RALYL: variants seen among roughly 807,000 people sequenced by gnomAD.
RALYL encodes RNA-binding Raly-like protein.
RALYL carries 29 observed loss-of-function variants against 35.1 expected under a neutral mutation model. The ratio of observed to expected loss-of-function variants is 0.83; its 90% confidence interval spans 0.61 to 1.13. RALYL has a LOEUF of 1.13. RALYL is among the 50% of genes most tolerant of loss of function. The pLI, the probability that RALYL is intolerant of heterozygous loss-of-function variation, is 0.00. For synonymous variants in RALYL, 120 were observed against 127.6 expected, an observed-to-expected ratio of 0.94 and a Z score of 0.40; for missense variants, 359 against 360.4, an observed-to-expected ratio of 1.00 and a Z score of 0.03.
At chr8:84,230,412 A>C (rs1290870333) in intron 1 of RALYL, among the ~76,000 whole-genome samples, 2 of 152,152 alleles carry the variant, frequency 1.3e-5, no homozygotes, top group Non-Finnish European at 2.9e-5. Context: ...AAAAATAAAC[A>C]AAATAACATG....
chr8:84,429,833 A>G (rs895202809), intron 1 of RALYL, among the ~76,000 whole-genome samples: 2 of 152,104 alleles, frequency 1.3e-5, no homozygotes, highest in African/African-American at 4.8e-5. Flanking sequence ...AAGGATGTCC[A>G]CTATCTGCTT....
chr8:84,374,244 A>G (rs986754732), intron 1 of RALYL, among the ~76,000 whole-genome samples: 1 of 151,844 alleles, frequency 6.6e-6, no homozygotes, highest in Non-Finnish European at 1.5e-5. Flanking sequence ...CAATACTATC[A>G]TGAATAGGAG....
intron 2 of RALYL, among the ~76,000 whole-genome samples, chr8:84,698,786 G>A (rs920905456): frequency 6.6e-6 from 1 of 152,058 alleles, no homozygotes; most frequent in Non-Finnish European, 1.5e-5. Flanking sequence ...TGTACAATAG[G>A]ATACTTGCTA....
At chr8:84,772,324 C>CTATGTTTGGCCTTTG in intron 2 of RALYL, among the ~76,000 whole-genome samples, 1 of 152,116 alleles carries the variant, frequency 6.6e-6, no homozygotes, top group South Asian at 2.1e-4. Context: ...TGTATCATGG[C>CTATGTTTGGCCTTTG]TATGTTTGGC....
intron 1 of RALYL, among the ~76,000 whole-genome samples, chr8:84,430,994 C>T (rs2047080972): frequency 6.6e-6 from 1 of 152,106 alleles, no homozygotes; most frequent in African/African-American, 2.4e-5. Context: ...CTTAACATTC[C>T]TGAGTAAGAA....
chr8:84,381,637 C>G (rs558041640), intron 1 of RALYL, among the ~76,000 whole-genome samples: 5 of 151,940 alleles, frequency 3.3e-5, no homozygotes, highest in African/African-American at 1.2e-4. Flanking sequence ...GAAATGATAA[C>G]AAATGTTTGG....
At chr8:84,774,464 G>A in intron 2 of RALYL, 115 bp from the exon 3 acceptor site, 1 of 684,222 alleles carries the variant, frequency 1.5e-6, no homozygotes, top group Middle Eastern at 2.5e-4. Flanking sequence ...ATGAATCAAT[G>A]GTGTACAATA....
chr8:84,728,621 G>A (rs1201742225), intron 2 of RALYL, among the ~76,000 whole-genome samples: 1 of 152,172 alleles, frequency 6.6e-6, no homozygotes, highest in Non-Finnish European at 1.5e-5. Context: ...TGAGGTTTAA[G>A]TCTTTAATCC....
At chr8:84,802,791 A>AAGCTT (rs199732545) in intron 3 of RALYL, among the ~76,000 whole-genome samples, 152 of 152,306 alleles carry the variant, frequency 1.0e-3, no homozygotes, top group African/African-American at 3.4e-3. Context: ...GCATTGATGG[A>AAGCTT]AGCTTAGTGT....
At chr8:84,474,646 G>A (rs2053181302) in intron 1 of RALYL, among the ~76,000 whole-genome samples, 2 of 151,934 alleles carry the variant, frequency 1.3e-5, no homozygotes, top group Non-Finnish European at 2.9e-5. Context: ...TTTTATCTTG[G>A]TGGGATTCTG....
intron 2 of RALYL, among the ~76,000 whole-genome samples, chr8:84,725,034 A>G (rs1299930763): frequency 1.3e-5 from 2 of 151,628 alleles, no homozygotes; most frequent in African/African-American, 2.4e-5. Context: ...TCTGAATCTT[A>G]TGGCAGGTAA....
At chr8:84,448,276 T>C (rs2049066661) in intron 1 of RALYL, among the ~76,000 whole-genome samples, 1 of 151,978 alleles carries the variant, frequency 6.6e-6, no homozygotes, top group Non-Finnish European at 1.5e-5. Flanking sequence ...TGTACAAGCA[T>C]GAATGAGTCT....
At chr8:84,652,204 T>C (rs186677257) in intron 2 of RALYL, among the ~76,000 whole-genome samples, 1 of 152,222 alleles carries the variant, frequency 6.6e-6, no homozygotes, top group Non-Finnish European at 1.5e-5. Flanking sequence ...AAAGAAACTT[T>C]TGTTATCAAA....
At chr8:84,546,009 A>G (rs1462508872) in intron 2 of RALYL, among the ~76,000 whole-genome samples, 5 of 152,184 alleles carry the variant, frequency 3.3e-5, no homozygotes, top group Non-Finnish European at 7.4e-5. Context: ...TAAATTTTCT[A>G]ACATTTCCAC....
At chr8:84,384,815 A>G (rs139876233) in intron 1 of RALYL, among the ~76,000 whole-genome samples, 143 of 151,938 alleles carry the variant, frequency 9.4e-4, no homozygotes, top group African/African-American at 3.1e-3. Flanking sequence ...TATCATGCTC[A>G]TTATGTAGTG....
intron 8 of RALYL, among the ~76,000 whole-genome samples, chr8:84,897,850 C>T (rs1014265878): frequency 6.6e-6 from 1 of 152,122 alleles, no homozygotes; most frequent in Non-Finnish European, 1.5e-5. Context: ...AGAGCTCTCA[C>T]TGGGTAGAAG....
chr8:84,293,107 G>A (rs1305293696), intron 1 of RALYL, among the ~76,000 whole-genome samples: 1 of 152,092 alleles, frequency 6.6e-6, no homozygotes, highest in African/African-American at 2.4e-5. Context: ...AAACGTGGAT[G>A]GCAGAAATGA....
intron 1 of RALYL, among the ~76,000 whole-genome samples, chr8:84,290,241 A>G (rs1390140452): frequency 2.0e-5 from 3 of 152,144 alleles, no homozygotes; most frequent in Non-Finnish European, 4.4e-5. Context: ...CATATCTTCC[A>G]TGTTTTAATT....
intron 2 of RALYL, among the ~76,000 whole-genome samples, chr8:84,602,139 AGTGACTTCCCAAGCT>A (rs1816119416): frequency 6.6e-6 from 1 of 152,116 alleles, no homozygotes; most frequent in Admixed American, 6.6e-5. Context: ...CATCATATGC[AGTGACTTCCCAAGCT>A]GTATTTCTAG....
Sources: allele counts gnomAD v4.1 joint callset (sites outside exome capture counted in the v4.1 genomes callset), GRCh38; gene constraint gnomAD v4.1.1; transcripts MANE v1.5; gene names NCBI Gene and HGNC (gene_info 2026-07-23, HGNC 2026-07-21).